Variants in LIN52 observed in about 807,000 individuals in gnomAD.
LIN52 encodes protein lin-52 homolog.
LIN52 carries 4 observed loss-of-function variants against 18.5 expected under a neutral mutation model. The observed-to-expected ratio is 0.22, with a 90% confidence interval of 0.11 to 0.49. The LOEUF (loss-of-function observed/expected upper bound fraction) is 0.49, where lower values mean the gene tolerates loss of function less well. Ranked by LOEUF, LIN52 falls within the 20% of genes least tolerant of loss-of-function variation. The pLI is 0.97. For synonymous variants in LIN52, 34 were observed against 45.5 expected (o/e 0.75, Z 1.02); for missense variants, 102 against 139.5 (o/e 0.73, Z 1.35).
At chr14:74,132,847 A>G (rs989385097) in intron 5 of LIN52, among the ~76,000 whole-genome samples, 2 of 151,840 alleles carry the variant, frequency 1.3e-5, no homozygotes, top group Non-Finnish European at 1.5e-5. Flanking sequence ...CTGTGTTGAA[A>G]CTCTTAGCAT....
intron 5 of LIN52, among the ~76,000 whole-genome samples, chr14:74,109,772 A>C (rs552983963): frequency 6.6e-6 from 1 of 152,346 alleles, no homozygotes; most frequent in Admixed American, 6.5e-5. Context: ...ACTACTGAGA[A>C]ATAGAATTAA....
chr14:74,164,528 C>T (rs1452966928), intron 5 of LIN52, among the ~76,000 whole-genome samples: 1 of 152,054 alleles, frequency 6.6e-6, no homozygotes, highest in Admixed American at 6.6e-5. Context: ...TCAAGTGATC[C>T]GCCTGCTTCG....
chr14:74,155,004 T>G lies in LIN52; in HGVS notation c.284-43918T>G, dbSNP rs189251905. Reference sequence around the variant, plus strand: ...GTAATGGCTGCCTAGTGACAACATTTCAAACTCTTTTATGTAAACAGAAAG... The same window carrying G: ...GTAATGGCTGCCTAGTGACAACATTGCAAACTCTTTTATGTAAACAGAAAG... On this transcript the variant is annotated intron_variant, in intron 5 of 5. Transcript: ENST00000555028. 4.7e-4 allele frequency among the ~76,000 whole-genome samples: 72 copies of G among 152,308 alleles called. 1 individual carries two copies. The highest frequency in any genetic ancestry group is 4.1e-4 in the Non-Finnish European group (28 of 68,026).
At chr14:74,109,694 T>G (rs538124072) in intron 5 of LIN52, among the ~76,000 whole-genome samples, 1 of 152,232 alleles carries the variant, frequency 6.6e-6, no homozygotes, top group Non-Finnish European at 1.5e-5. Context: ...TCCTAAGTAC[T>G]TTATTCTTTT....
intron 5 of LIN52, among the ~76,000 whole-genome samples, chr14:74,102,463 C>T (rs2060864916): frequency 6.6e-6 from 1 of 152,140 alleles, no homozygotes. Context: ...TCATTAGTAC[C>T]TAACTCTTCT....
intron 5 of LIN52, among the ~76,000 whole-genome samples, chr14:74,125,445 C>T (rs2061023837): frequency 6.6e-6 from 1 of 152,002 alleles, no homozygotes; most frequent in African/African-American, 2.4e-5. Context: ...TATCCTTCGC[C>T]CACTTTTTGA....
chr14:74,171,693 T>C (rs1458074369), intron 5 of LIN52, among the ~76,000 whole-genome samples: 1 of 94,002 alleles, frequency 1.1e-5, no homozygotes, highest in East Asian at 2.0e-4. Context: ...TGAATTTAGA[T>C]CAAATATTAT....
intron 5 of LIN52, among the ~76,000 whole-genome samples, chr14:74,188,658 T>C (rs1221423932): frequency 6.6e-6 from 1 of 152,150 alleles, no homozygotes. Context: ...TTCTGGTGGC[T>C]TCATTCCTTT....
At chr14:74,122,870 AAAAAC>A (rs1381912697) in intron 5 of LIN52, among the ~76,000 whole-genome samples, 1 of 147,250 alleles carries the variant, frequency 6.8e-6, no homozygotes, top group Non-Finnish European at 1.5e-5. Flanking sequence ...TCTGTCTCAA[AAAAAC>A]AAAACAAACA....
intron 2 of LIN52, among the ~76,000 whole-genome samples, chr14:74,093,853 G>T (rs889435628): frequency 6.6e-6 from 1 of 152,152 alleles, no homozygotes; most frequent in Non-Finnish European, 1.5e-5. Context: ...TGTAATCCCA[G>T]CTACTTGGGA....
chr14:74,126,137 T>C lies in LIN52; in HGVS notation c.283+24899T>C, dbSNP rs139925220. On this transcript the variant is annotated intron_variant, in intron 5 of 5. Coordinates refer to ENST00000555028, the MANE Select transcript of LIN52 (RefSeq NM_001024674.3). ...CACATGCAAAGATACTCAACATCAT[T>C]AGTCGTTAGGGAAATCCAAATCAAA... Among the ~76,000 whole-genome samples, 551 of 151,940 alleles carry C rather than the reference T, an allele frequency of 3.6e-3. 4 individuals carry two copies. Among genetic ancestry groups the C allele is most frequent in the African/African-American group, 0.013 (519 of 41,426 alleles).
chr14:74,109,356 C>T (rs2060914156), intron 5 of LIN52, among the ~76,000 whole-genome samples: 1 of 152,174 alleles, frequency 6.6e-6, no homozygotes, highest in Non-Finnish European at 1.5e-5. Context: ...TGGTGATGTG[C>T]ACCCATAGTC....
intron 5 of LIN52, among the ~76,000 whole-genome samples, chr14:74,131,422 G>T (rs964469997): frequency 7.3e-5 from 11 of 151,518 alleles, no homozygotes; most frequent in African/African-American, 2.2e-4. Context: ...AGGTTCAAGC[G>T]ATTCTCCTGC....
chr14:74,118,360 A>G (rs1009785533), intron 5 of LIN52, among the ~76,000 whole-genome samples: 2 of 152,236 alleles, frequency 1.3e-5, no homozygotes, highest in Admixed American at 6.5e-5. Flanking sequence ...TTGTTCTTTA[A>G]TAAGCTTTAA....
intron 5 of LIN52, among the ~76,000 whole-genome samples, chr14:74,107,388 T>TGGAA (rs1167807609): frequency 1.3e-5 from 2 of 152,194 alleles, no homozygotes; most frequent in Non-Finnish European, 2.9e-5. Flanking sequence ...TCAGCAGTTT[T>TGGAA]TACCCTCTCT....
At position 74,095,961 on chromosome 14, in the gene LIN52, T is replaced by A. The variant is rs1219893905; in HGVS notation, c.108T>A (p.Ala36=). 6.2e-7 allele frequency: 1 copy of A among 1,609,352 alleles called. No individual in the cohort carries two copies. Among genetic ancestry groups the A allele is most frequent in the Non-Finnish European group, 8.5e-7 (1 of 1,177,440 alleles). ...TTTTCTTTTTAGTACCAGGTGTTGCTGAATTTGCAGCTTCCTTCAAAAGTG... is the reference window on the plus strand; with the variant it reads ...TTTTCTTTTTAGTACCAGGTGTTGCAGAATTTGCAGCTTCCTTCAAAAGTG... ...DLWPEQLPGV[A]EFAASFKSPI... Residue 36 remains alanine (A), a synonymous_variant, in exon 3 of 6, where the codon GCT becomes GCA. Coordinates refer to ENST00000555028, the MANE Select transcript of LIN52 (RefSeq NM_001024674.3).
intron 5 of LIN52, among the ~76,000 whole-genome samples, chr14:74,111,134 T>C (rs2060924274): frequency 6.6e-6 from 1 of 152,190 alleles, no homozygotes; most frequent in African/African-American, 2.4e-5. Context: ...CACTAGCCTG[T>C]GGTACTAGAC....
At position 74,199,471 on chromosome 14, in the gene LIN52, C is replaced by G. The variant is rs1014198421; in HGVS notation, c.*494C>G. The G allele has an allele frequency of 9.2e-5, 14 of 152,684 alleles. No homozygotes were observed. Among genetic ancestry groups the G allele is most frequent in the African/African-American group, 3.4e-4 (14 of 41,444 alleles). 9.5% of individuals were successfully genotyped at this position (152,684 alleles called of 1,614,324 possible). A position where few individuals can be genotyped will look rare whatever the true frequency, so the allele number is the denominator to read the frequency against. On this transcript the variant is annotated 3_prime_UTR_variant, in exon 6 of 6. Transcript: ENST00000555028. ...CCATGCAGCCTGACCTGTGAACTCT[C>G]CAGTATATACTAAGTTCCCAGAATC... is the stretch of plus-strand genomic sequence containing the variant.
At chr14:74,148,961 T>G (rs1388633922) in intron 5 of LIN52, among the ~76,000 whole-genome samples, 3 of 152,224 alleles carry the variant, frequency 2.0e-5, no homozygotes, top group African/African-American at 7.2e-5. Context: ...GATTTTGATT[T>G]CAGCTTTCCA....
Sources: gnomAD v4.1 joint callset for allele counts (sites outside exome capture counted in the v4.1 genomes callset) on GRCh38, gnomAD v4.1.1 for gene constraint, MANE v1.5 for transcripts, NCBI Gene and HGNC (gene_info 2026-07-23, HGNC 2026-07-21) for gene names.